The following CTNNA3 variants were observed in gnomAD, a reference collection of about 807,000 sequenced individuals.
CTNNA3 encodes catenin alpha 3, also known as catenin alpha-3.
Under a neutral mutation model 95.7 loss-of-function variants are expected in CTNNA3, and 76 were observed. That is an observed-to-expected ratio of 0.79 (90% CI 0.66 to 0.96). The LOEUF is 0.96. CTNNA3 is among the 40% of genes least tolerant of loss of function. The probability of loss-of-function intolerance (pLI) is 0.00; values close to 1 mark genes in which losing one functional copy is unlikely to be tolerated. For missense variants in CTNNA3, 1,191 were observed against 1,089.8 expected, an observed-to-expected ratio of 1.09 and a Z score of -1.31; for synonymous variants, 431 against 374.4, an observed-to-expected ratio of 1.15 and a Z score of -1.74.
chr10:67,094,065 G>A (rs938015949), intron 7 of CTNNA3, among the ~76,000 whole-genome samples: 5 of 151,858 alleles, frequency 3.3e-5, no homozygotes, highest in Non-Finnish European at 5.9e-5. Flanking sequence ...ACCCTAAGCT[G>A]AGAAAGTAAT....
intron 10 of CTNNA3, among the ~76,000 whole-genome samples, chr10:66,527,089 G>C (rs562934459): frequency 6.6e-6 from 1 of 152,144 alleles, no homozygotes; most frequent in South Asian, 2.1e-4. Context: ...GATTCATTTT[G>C]AGTTAAGTTT....
chr10:65,960,417 C>A (rs1422916175), intron 17 of CTNNA3, among the ~76,000 whole-genome samples: 1 of 151,886 alleles, frequency 6.6e-6, no homozygotes, highest in Non-Finnish European at 1.5e-5. Context: ...CCCACCTACT[C>A]GGTAGGCTGA....
chr10:66,511,201 T>G (rs1340476567), intron 11 of CTNNA3, among the ~76,000 whole-genome samples: 1 of 151,838 alleles, frequency 6.6e-6, no homozygotes, highest in East Asian at 1.9e-4. Context: ...TCTCTAATGA[T>G]CCTCTGTATT....
At chr10:66,958,736 C>T (rs1848964460) in intron 7 of CTNNA3, among the ~76,000 whole-genome samples, 1 of 152,130 alleles carries the variant, frequency 6.6e-6, no homozygotes, top group South Asian at 2.1e-4. Flanking sequence ...TATCCTACTA[C>T]TCCTGGGGCA....
intron 7 of CTNNA3, among the ~76,000 whole-genome samples, chr10:67,085,211 G>T (rs1198949475): frequency 1.3e-5 from 2 of 151,716 alleles, no homozygotes; most frequent in Non-Finnish European, 2.9e-5. Context: ...AACTTGTTTT[G>T]ATCAAAGCCA....
intron 14 of CTNNA3, among the ~76,000 whole-genome samples, chr10:66,080,560 C>T (rs2080716461): frequency 6.6e-6 from 1 of 152,130 alleles, no homozygotes; most frequent in South Asian, 2.1e-4. Flanking sequence ...TCCACATTTA[C>T]ATCAACAACC....
rs575523852 is a variant in CTNNA3 at position 66,031,301 on chromosome 10, C to T, written c.2159+38007G>A. Among the ~76,000 whole-genome samples, 141 of 152,224 alleles carry T rather than the reference C, an allele frequency of 9.3e-4. 1 individual carries two copies. In the Middle Eastern group the frequency reaches 0.014, roughly 15 times the overall value. ...CACAATAGCAAAGACATTGAATTAA[C>T]CTAAATGCCAATAAACAATGGATTG... On this transcript the variant is annotated intron_variant, in intron 15 of 17. Coordinates refer to ENST00000433211, the MANE Select transcript of CTNNA3 (RefSeq NM_013266.4).
At chr10:67,120,653 G>A (rs765843364) in intron 7 of CTNNA3, among the ~76,000 whole-genome samples, 19 of 151,968 alleles carry the variant, frequency 1.3e-4, no homozygotes, top group Non-Finnish European at 2.6e-4. Flanking sequence ...GACAAGGAGA[G>A]TTACAAAAGA....
chr10:66,943,248 A>C (rs1461785519), intron 7 of CTNNA3, among the ~76,000 whole-genome samples: 2 of 152,240 alleles, frequency 1.3e-5, no homozygotes, highest in Admixed American at 6.5e-5. Flanking sequence ...GAAATGATAG[A>C]TATTTAGCAT....
At chr10:66,540,748 G>T (rs559383208) in intron 10 of CTNNA3, among the ~76,000 whole-genome samples, 1 of 151,982 alleles carries the variant, frequency 6.6e-6, no homozygotes, top group Non-Finnish European at 1.5e-5. Flanking sequence ...GAGAGCCAGG[G>T]TTGGGTCTAG....
At chr10:67,480,797 G>A (rs958818754) in intron 5 of CTNNA3, among the ~76,000 whole-genome samples, 2 of 152,138 alleles carry the variant, frequency 1.3e-5, no homozygotes, top group Non-Finnish European at 2.9e-5. Flanking sequence ...CTATTTCTGT[G>A]TCTTTGTCTT....
chr10:66,564,579 A>G (rs1842648923), intron 10 of CTNNA3, among the ~76,000 whole-genome samples: 1 of 152,198 alleles, frequency 6.6e-6, no homozygotes, highest in South Asian at 2.1e-4. Flanking sequence ...GTGAGTCGAC[A>G]AGTGAGTCAC....
Position 67,592,233 on chromosome 10 carries a change from T to G in CTNNA3, c.292+14624A>C, listed in dbSNP as rs549392028. ...CTCTCATTGCTGAGAGTTTTCTTTC[T>G]GTCACTCAATAAAATTTTACTTTGT... On this transcript the variant is annotated intron_variant, in intron 3 of 17. Coordinates refer to ENST00000433211, the MANE Select transcript of CTNNA3 (RefSeq NM_013266.4). Among the ~76,000 whole-genome samples the G allele has an allele frequency of 2.0e-5, 3 of 152,280 alleles. No homozygotes were observed. In the South Asian group the frequency reaches 6.2e-4, roughly 32 times the overall value.
rs538935628 is a variant in CTNNA3 at position 67,488,099 on chromosome 10, G to A, written c.579+33743C>T. 4.6e-5 allele frequency among the ~76,000 whole-genome samples: 7 copies of A among 152,224 alleles called. 1 individual carries two copies. The South Asian group carries it at 6.2e-4, about 14-fold the overall frequency. On this transcript the variant is annotated intron_variant, in intron 5 of 17. Coordinates refer to ENST00000433211, the MANE Select transcript of CTNNA3 (RefSeq NM_013266.4). ...TACATACAGAACCTCGTTGAGTTTC[G>A]AAATTGGAGGTTCTTGGGCAACAAG...
At chr10:66,156,908 C>T (rs140735473) in intron 13 of CTNNA3, among the ~76,000 whole-genome samples, 14 of 151,906 alleles carry the variant, frequency 9.2e-5, no homozygotes, top group Admixed American at 3.3e-4. Context: ...CTTGTTCTGA[C>T]GTGTTTAAAT....
At chr10:67,607,584 G>GA (rs962591140) in intron 2 of CTNNA3, among the ~76,000 whole-genome samples, 9 of 151,732 alleles carry the variant, frequency 5.9e-5, no homozygotes, top group Non-Finnish European at 1.0e-4. Context: ...AACTTTTATT[G>GA]AAAAAAAATC....
At chr10:67,532,300 G>A (rs1369950253) in intron 4 of CTNNA3, among the ~76,000 whole-genome samples, 3 of 152,000 alleles carry the variant, frequency 2.0e-5, no homozygotes, top group Non-Finnish European at 4.4e-5. Flanking sequence ...GTAATAAAAG[G>A]CTTTAGAAAA....
intron 15 of CTNNA3, among the ~76,000 whole-genome samples, chr10:66,018,308 G>T (rs925155661): frequency 1.3e-5 from 2 of 151,688 alleles, no homozygotes; most frequent in African/African-American, 4.8e-5. Flanking sequence ...TGTATTCACT[G>T]CTTTTTAGTT....
chr10:66,690,599 G>A (rs963920598), intron 9 of CTNNA3, among the ~76,000 whole-genome samples: 2 of 151,678 alleles, frequency 1.3e-5, no homozygotes, highest in African/African-American at 2.4e-5. Context: ...TCTTGCGATA[G>A]TTTACTGAGA....
Sources: allele counts gnomAD v4.1 joint callset (sites outside exome capture counted in the v4.1 genomes callset), GRCh38; gene constraint gnomAD v4.1.1; transcripts MANE v1.5; gene names NCBI Gene and HGNC (gene_info 2026-07-23, HGNC 2026-07-21).